Variants in LRRC7 observed in about 807,000 individuals in gnomAD.
LRRC7 encodes the protein leucine rich repeat containing 7.
Under a neutral mutation model 175.7 loss-of-function variants are expected in LRRC7, and 23 were observed. The ratio of observed to expected loss-of-function variants is 0.13; its 90% CI spans 0.09 to 0.19. The LOEUF is 0.19. Among genes scored for constraint, LRRC7 ranks in the 10% least tolerant of loss-of-function variants. LRRC7 has a pLI of 1.00. For missense variants in LRRC7, 1,354 were observed against 1,904.7 expected (o/e 0.71, Z 5.38); for synonymous variants, 685 against 680.9 (o/e 1.01, Z -0.09).
chr1:69,793,431 G>A (rs1475102084), intron 4 of LRRC7, among the ~76,000 whole-genome samples: 1 of 152,010 alleles, frequency 6.6e-6, no homozygotes, highest in African/African-American at 2.4e-5. Flanking sequence ...GAAATTTGGT[G>A]CCTTTAGAGC....
At chr1:69,571,327 T>A (rs1262581197) in intron 1 of LRRC7, among the ~76,000 whole-genome samples, 5 of 152,216 alleles carry the variant, frequency 3.3e-5, no homozygotes, top group Non-Finnish European at 4.4e-5. Context: ...ATTAACATTT[T>A]CCCAATTAAA....
chr1:70,010,572 GA>G (rs200426713), intron 11 of LRRC7, among the ~76,000 whole-genome samples: 1 of 149,750 alleles, frequency 6.7e-6, no homozygotes, highest in Non-Finnish European at 1.5e-5. Context: ...CTCAACAAAA[GA>G]AAAAAAAAGG....
Position 70,051,983 on chromosome 1 carries a change from T to G in LRRC7, c.4111-1043T>G, listed in dbSNP as rs541750025. Among the ~76,000 whole-genome samples, 5 of 152,090 alleles carry G rather than the reference T, an allele frequency of 3.3e-5. No homozygotes were observed. In the East Asian group the frequency reaches 9.7e-4, roughly 29 times the overall value. ...CCCAGTTCTCCCTTTCTAGGTAGGG[T>G]AGGAGGACAATTCCTTACACAAAAT... On this transcript the variant is annotated intron_variant, in intron 22 of 26. Transcript: ENST00000651989.
At chr1:69,981,291 T>C (rs1271538736) in intron 9 of LRRC7, among the ~76,000 whole-genome samples, 1 of 152,214 alleles carries the variant, frequency 6.6e-6, no homozygotes, top group Non-Finnish European at 1.5e-5. Context: ...CAGTTTTATT[T>C]CTTTTTTGAA....
chr1:69,950,120 T>C lies in LRRC7; in HGVS notation c.711+18550T>C, dbSNP rs138767438. On this transcript the variant is annotated intron_variant, in intron 8 of 26. Transcript: ENST00000651989. ...ATGTTTATGTAGCTATTCTCAACAA[T>C]TGAGAATACAAAACTTAATGAAACA... Among the ~76,000 whole-genome samples the C allele has an allele frequency of 8.2e-3, 1,242 of 152,144 alleles. 14 individuals are homozygous for C. The highest frequency in any genetic ancestry group is 0.027 in the African/African-American group (1,137 of 41,518).
At position 69,949,431 on chromosome 1, in the gene LRRC7, G is replaced by C. The variant is rs550620476; in HGVS notation, c.711+17861G>C. ...GACTAAAAATACAAAAAATTAGCTG[G>C]CTGTGGTCCCAGCTACTCCAGGGAC... On this transcript the variant is annotated intron_variant, in intron 8 of 26. Transcript: ENST00000651989. Among the ~76,000 whole-genome samples, 46 of 152,110 alleles carry C rather than the reference G, an allele frequency of 3.0e-4. No homozygotes were observed. In the South Asian group the frequency reaches 9.4e-3, roughly 31 times the overall value.
intron 25 of LRRC7, among the ~76,000 whole-genome samples, chr1:70,097,620 C>G (rs915013440): frequency 8.2e-6 from 1 of 121,438 alleles, no homozygotes; most frequent in African/African-American, 3.1e-5. Flanking sequence ...CCTCCCCCCA[C>G]CCCACAACAG....
At chr1:69,843,772 C>T (rs1455257913) in intron 7 of LRRC7, among the ~76,000 whole-genome samples, 2 of 151,950 alleles carry the variant, frequency 1.3e-5, no homozygotes, top group African/African-American at 2.4e-5. Context: ...AGAGCTACAC[C>T]GACAGCTGCA....
At chr1:69,950,450 G>A (rs1344449673) in intron 8 of LRRC7, among the ~76,000 whole-genome samples, 1 of 152,114 alleles carries the variant, frequency 6.6e-6, no homozygotes, top group Non-Finnish European at 1.5e-5. Flanking sequence ...AGGGAGGCAA[G>A]AGTAGAAAAT....
At chr1:69,998,415 A>T (rs1202543710) in intron 11 of LRRC7, among the ~76,000 whole-genome samples, 1 of 152,176 alleles carries the variant, frequency 6.6e-6, no homozygotes, top group Non-Finnish European at 1.5e-5. Context: ...TAAAAGTCTC[A>T]GCCATTTTTT....
Position 69,964,424 on chromosome 1 carries a change from T to A in LRRC7, c.712-15955T>A, listed in dbSNP as rs533869451. ...CTCAGTCCACCTCCTGAGATCATGC[T>A]CTTAACCATTATGCATACTGCCTGT... On this transcript the variant is annotated intron_variant, in intron 8 of 26. Transcript: ENST00000651989. Among the ~76,000 whole-genome samples the A allele has an allele frequency of 9.2e-5, 14 of 152,322 alleles. No individual in the cohort carries two copies. The South Asian group carries it at 2.9e-3, about 32-fold the overall frequency.
At chr1:69,858,592 T>C (rs1683995370) in intron 7 of LRRC7, among the ~76,000 whole-genome samples, 1 of 152,180 alleles carries the variant, frequency 6.6e-6, no homozygotes, top group Admixed American at 6.6e-5. Context: ...TGGCAGGACC[T>C]CTGGATTCAA....
chr1:69,697,790 T>G (rs988895886), intron 2 of LRRC7, among the ~76,000 whole-genome samples: 5 of 152,204 alleles, frequency 3.3e-5, no homozygotes, highest in African/African-American at 1.2e-4. Flanking sequence ...TTGTGTCTAT[T>G]TATGTTCATT....
intron 3 of LRRC7, among the ~76,000 whole-genome samples, chr1:69,762,701 A>G (rs926720735): frequency 6.6e-6 from 1 of 152,060 alleles, no homozygotes; most frequent in African/African-American, 2.4e-5. Context: ...TTATACATCA[A>G]GGAACTCACT....
chr1:69,984,328 A>G (rs149199211), intron 9 of LRRC7, among the ~76,000 whole-genome samples: 2 of 152,326 alleles, frequency 1.3e-5, no homozygotes, highest in African/African-American at 2.4e-5. Flanking sequence ...AATAATATAT[A>G]TAAAGTACTT....
chr1:69,792,025 G>A lies in LRRC7; in HGVS notation c.304-18G>A. The stretch of plus-strand genomic sequence containing the variant: ...TTAACCAAATTGAGATCTAATTAAT[G>A]ATTATTTTCTATTACAGCAATTGTT... On this transcript the variant is annotated intron_variant, in intron 3 of 26. Coordinates refer to ENST00000651989, the MANE Select transcript of LRRC7 (RefSeq NM_001370785.2). 2 of 1,436,902 alleles carry A rather than the reference G, an allele frequency of 1.4e-6. No homozygotes were observed. Among genetic ancestry groups the A allele is most frequent in the Non-Finnish European group, 1.9e-6 (2 of 1,030,234 alleles). 89.0% of individuals were successfully genotyped at this position (1,436,902 alleles called of 1,614,324 possible).
chr1:69,788,494 A>G (rs1338717135), intron 3 of LRRC7, among the ~76,000 whole-genome samples: 1 of 152,280 alleles, frequency 6.6e-6, no homozygotes, highest in East Asian at 1.9e-4. Context: ...TATTCAATAA[A>G]TATATTTTAG....
At chr1:69,720,939 A>C (rs559895984) in intron 2 of LRRC7, among the ~76,000 whole-genome samples, 58 of 151,978 alleles carry the variant, frequency 3.8e-4, no homozygotes, top group African/African-American at 1.4e-3. Flanking sequence ...TGCAACCATC[A>C]CCACCATCCA....
intron 25 of LRRC7, among the ~76,000 whole-genome samples, chr1:70,094,381 C>G (rs1000096444): frequency 6.6e-6 from 1 of 151,838 alleles, no homozygotes; most frequent in African/African-American, 2.4e-5. Flanking sequence ...TAGAAAAAAA[C>G]AAATTCATGG....
Sources: gnomAD v4.1 joint callset for allele counts (sites outside exome capture counted in the v4.1 genomes callset) on GRCh38, gnomAD v4.1.1 for gene constraint, MANE v1.5 for transcripts, NCBI Gene and HGNC (gene_info 2026-07-23, HGNC 2026-07-21) for gene names.